The following ACAP2 variants were observed in gnomAD, a reference collection of about 807,000 sequenced individuals.
The protein encoded by ACAP2 is ArfGAP with coiled-coil, ankyrin repeat and PH domains 2.
A neutral mutation model predicts 115.8 loss-of-function variants in ACAP2; 39 were observed. The ratio of observed to expected loss-of-function variants is 0.34; its 90% CI spans 0.26 to 0.44. The LOEUF (loss-of-function observed/expected upper bound fraction) is 0.44, where lower values mean the gene tolerates loss of function less well. Among genes scored for constraint, ACAP2 ranks in the 20% least tolerant of loss-of-function variants. ACAP2 has a pLI of 1.00. For missense variants in ACAP2, 662 were observed against 927.6 expected (o/e 0.71, Z 3.72); for synonymous variants, 289 against 315.8 (o/e 0.92, Z 0.90).
Position 195,301,951 on chromosome 3 carries a change from G to A in ACAP2, c.1325+15C>T, listed in dbSNP as rs890445481. 6.2e-7 allele frequency: 1 copy of A among 1,608,536 alleles called. No individual in the cohort carries two copies. The highest frequency in any genetic ancestry group is 1.3e-5 in the African/African-American group (1 of 74,738). On this transcript the variant is annotated intron_variant, in intron 14 of 22. Coordinates refer to ENST00000326793, the MANE Select transcript of ACAP2 (RefSeq NM_012287.6). ...TCCAAAAGAAGAAATTCTCATCCTG[G>A]GCAGGCCTACCCACCGGTGAATTCC... is the stretch of plus-strand genomic sequence containing the variant.
At chr3:195,434,025 C>T (rs1439843529) in intron 1 of ACAP2, among the ~76,000 whole-genome samples, 2 of 152,102 alleles carry the variant, frequency 1.3e-5, no homozygotes, top group Non-Finnish European at 2.9e-5. Context: ...ACTACCCAGG[C>T]TCAAGTGGTC....
chr3:195,335,634 C>T (rs1002777204), intron 7 of ACAP2, among the ~76,000 whole-genome samples: 1 of 151,946 alleles, frequency 6.6e-6, no homozygotes, highest in Admixed American at 6.6e-5. Context: ...CTGTCAATCT[C>T]GAAAACAAGT....
At chr3:195,428,004 C>T (rs1000138682) in intron 1 of ACAP2, among the ~76,000 whole-genome samples, 3 of 146,548 alleles carry the variant, frequency 2.0e-5, no homozygotes, top group African/African-American at 5.1e-5. Context: ...TACACACACA[C>T]GTCTAAAAGA....
intron 1 of ACAP2, among the ~76,000 whole-genome samples, chr3:195,408,283 C>A (rs1265472784): frequency 6.6e-6 from 1 of 151,964 alleles, no homozygotes; most frequent in East Asian, 1.9e-4. Flanking sequence ...GGCAACACGG[C>A]GAAACCCTGT....
chr3:195,427,588 ATTG>A (rs1714780354), intron 1 of ACAP2, among the ~76,000 whole-genome samples: 1 of 152,152 alleles, frequency 6.6e-6, no homozygotes, highest in Non-Finnish European at 1.5e-5. Context: ...ACTGTAGGCA[ATTG>A]TTAACACAAT....
intron 2 of ACAP2, among the ~76,000 whole-genome samples, chr3:195,384,494 A>G (rs1734157516): frequency 6.6e-6 from 1 of 152,198 alleles, no homozygotes; most frequent in East Asian, 1.9e-4. Context: ...TGGGAGGCCA[A>G]GTTGGGCAGA....
At chr3:195,302,868 T>C (rs1397959984) in intron 13 of ACAP2, among the ~76,000 whole-genome samples, 2 of 152,118 alleles carry the variant, frequency 1.3e-5, no homozygotes, top group Non-Finnish European at 2.9e-5. Context: ...GAGGACCACT[T>C]GGGTCCAGGT....
chr3:195,286,682 T>C (rs976609553), intron 21 of ACAP2, among the ~76,000 whole-genome samples: 11 of 152,234 alleles, frequency 7.2e-5, no homozygotes, highest in African/African-American at 2.7e-4. Context: ...AACCACTGTG[T>C]GTATTAACAA....
chr3:195,340,383 C>T (rs1388569099), intron 6 of ACAP2, among the ~76,000 whole-genome samples: 1 of 151,780 alleles, frequency 6.6e-6, no homozygotes, highest in East Asian at 1.9e-4. Context: ...GTTTTGAATA[C>T]AATGAGAACA....
At chr3:195,327,237 A>G (rs986868862) in intron 8 of ACAP2, among the ~76,000 whole-genome samples, 1 of 152,208 alleles carries the variant, frequency 6.6e-6, no homozygotes, top group African/African-American at 2.4e-5. Context: ...TACCCCAGTG[A>G]TACACGTTCA....
chr3:195,392,028 A>G (rs773831466), intron 2 of ACAP2, 62 bp downstream of exon 2: 1 of 1,341,500 alleles, frequency 7.5e-7, no homozygotes, highest in African/African-American at 1.4e-5. Context: ...TACTGTAGGT[A>G]CTAATCATTA....
In ACAP2 at chr3:195,418,513, C is replaced by T. The variant is rs554968539; in HGVS notation, c.53+24282G>A. 2.0e-5 allele frequency among the ~76,000 whole-genome samples: 3 copies of T among 152,338 alleles called. No homozygotes were observed. In the South Asian group the frequency reaches 6.2e-4, roughly 32 times the overall value. On this transcript the variant is annotated intron_variant, in intron 1 of 22. Transcript: ENST00000326793. ...CATCACAGCTCACTGCAGCCTCAAA[C>T]TCCAAGGCTCAAGTAATTCTCCAAC...
intron 3 of ACAP2, 142 bp downstream of exon 3, chr3:195,381,761 A>G: frequency 1.2e-6 from 1 of 866,572 alleles, no homozygotes; most frequent in South Asian, 1.9e-5. Context: ...GAATCATACA[A>G]GAGAGCACCA....
chr3:195,431,084 A>C (rs1715079607), intron 1 of ACAP2, among the ~76,000 whole-genome samples: 1 of 152,124 alleles, frequency 6.6e-6, no homozygotes. Context: ...TCACTAATCT[A>C]TTTTGGCTCT....
At chr3:195,313,894 G>A (rs2109007764) in intron 10 of ACAP2, among the ~76,000 whole-genome samples, 1 of 152,220 alleles carries the variant, frequency 6.6e-6, no homozygotes, top group African/African-American at 2.4e-5. Context: ...CTGCCACACT[G>A]AGAAAATGAC....
At chr3:195,329,612 C>T (rs907937524) in intron 8 of ACAP2, among the ~76,000 whole-genome samples, 19 of 152,172 alleles carry the variant, frequency 1.2e-4, no homozygotes, top group African/African-American at 4.3e-4. Context: ...TGTATCTGCC[C>T]ATTTCATATT....
At chr3:195,291,925 C>A in intron 19 of ACAP2, 110 bp from the exon 20 acceptor site, 1 of 907,380 alleles carries the variant, frequency 1.1e-6, no homozygotes, top group Non-Finnish European at 1.6e-6. Context: ...ATTTCCATTT[C>A]CTTCTCTCCA....
intron 1 of ACAP2, among the ~76,000 whole-genome samples, chr3:195,397,535 G>C (rs759374773): frequency 6.6e-6 from 1 of 151,908 alleles, no homozygotes; most frequent in African/African-American, 2.4e-5. Flanking sequence ...TTATTAGTTT[G>C]ATTAAGTTCT....
intron 4 of ACAP2, among the ~76,000 whole-genome samples, chr3:195,377,138 CTT>C (rs749352761): frequency 0.16 from 12,276 of 76,568 alleles, 314 homozygotes; most frequent in Admixed American, 0.26. Flanking sequence ...GAATGTAAAT[CTT>C]TTTTTTTTTT....
Sources: gnomAD v4.1 joint callset for allele counts (sites outside exome capture counted in the v4.1 genomes callset) on GRCh38, gnomAD v4.1.1 for gene constraint, MANE v1.5 for transcripts, NCBI Gene and HGNC (gene_info 2026-07-23, HGNC 2026-07-21) for gene names.